Variants in CALN1 observed in about 807,000 individuals in gnomAD.
CALN1 encodes the protein calcium-binding protein 8.
Under a neutral mutation model 30.6 loss-of-function variants are expected in CALN1, and 17 were observed. That is an observed-to-expected ratio of 0.56 (90% confidence interval 0.38 to 0.83). The LOEUF (loss-of-function observed/expected upper bound fraction) is 0.83, where lower values mean the gene tolerates loss of function less well. Among genes scored for constraint, CALN1 ranks in the 40% least tolerant of loss-of-function variants. CALN1 has a pLI of 0.00. For missense variants in CALN1, 291 were observed against 354.9 expected, an observed-to-expected ratio of 0.82 and a Z score of 1.45; for synonymous variants, 156 against 131.4, an observed-to-expected ratio of 1.19 and a Z score of -1.28.
intron 3 of CALN1, among the ~76,000 whole-genome samples, chr7:72,210,099 G>C (rs190641036): frequency 1.2e-4 from 18 of 151,936 alleles, no homozygotes; most frequent in African/African-American, 4.4e-4. Context: ...TTTGTCCTAT[G>C]AAGAAGGACA....
At chr7:72,254,206 T>C (rs112683996) in intron 3 of CALN1, among the ~76,000 whole-genome samples, 5 of 152,336 alleles carry the variant, frequency 3.3e-5, no homozygotes, top group African/African-American at 7.2e-5. Flanking sequence ...TAGTGCACTA[T>C]AGAATCTTGT....
chr7:72,334,610 T>G (rs1459773678), intron 2 of CALN1, among the ~76,000 whole-genome samples: 1 of 152,150 alleles, frequency 6.6e-6, no homozygotes, highest in African/African-American at 2.4e-5. Flanking sequence ...TGAATTAAAT[T>G]ATTTTCGTTC....
the CALN1 span, among the ~76,000 whole-genome samples, chr7:72,487,589 A>G: frequency 6.6e-6 from 1 of 150,844 alleles, no homozygotes; most frequent in Non-Finnish European, 1.5e-5. Context: ...GGGAGGCTGA[A>G]GCAGAAGAAT....
intron 5 of CALN1, among the ~76,000 whole-genome samples, chr7:71,873,001 A>ATTTTTTT (rs371153112): frequency 0.015 from 1,689 of 115,484 alleles, 102 homozygotes; most frequent in African/African-American, 0.052. Flanking sequence ...GTTTGTGACA[A>ATTTTTTT]TTTTTTTTTT....
At chr7:72,026,781 G>A (rs568717667) in intron 4 of CALN1, among the ~76,000 whole-genome samples, 2 of 152,228 alleles carry the variant, frequency 1.3e-5, no homozygotes, top group African/African-American at 4.8e-5. Context: ...CAAGATATTT[G>A]CCTACAGATA....
intron 6 of CALN1, among the ~76,000 whole-genome samples, chr7:71,803,161 T>C (rs982716808): frequency 3.9e-5 from 6 of 152,136 alleles, no homozygotes; most frequent in African/African-American, 1.4e-4. Flanking sequence ...TGGGGACATA[T>C]AAAGTTCTAA....
chr7:72,124,404 C>A (rs1808599175), intron 3 of CALN1, among the ~76,000 whole-genome samples: 1 of 152,022 alleles, frequency 6.6e-6, no homozygotes, highest in Non-Finnish European at 1.5e-5. Flanking sequence ...TTCGGGAGGC[C>A]AAGGTGGGAG....
chr7:71,931,559 G>T (rs762645289), intron 5 of CALN1, among the ~76,000 whole-genome samples: 7 of 152,306 alleles, frequency 4.6e-5, no homozygotes, highest in Admixed American at 3.9e-4. Context: ...GCGCCACCGC[G>T]CCCAGCTGAA....
chr7:72,001,421 A>C (rs1799522806), intron 5 of CALN1, among the ~76,000 whole-genome samples: 1 of 152,124 alleles, frequency 6.6e-6, no homozygotes, highest in African/African-American at 2.4e-5. Flanking sequence ...CATGAGTGCA[A>C]CTCCAGTACA....
At chr7:72,182,246 A>C in intron 3 of CALN1, among the ~76,000 whole-genome samples, 1 of 152,132 alleles carries the variant, frequency 6.6e-6, no homozygotes, top group East Asian at 1.9e-4. Flanking sequence ...GTATCTGTGC[A>C]TCATTGATCA....
At chr7:71,922,510 C>A (rs1257982900) in intron 5 of CALN1, among the ~76,000 whole-genome samples, 3 of 135,992 alleles carry the variant, frequency 2.2e-5, no homozygotes, top group East Asian at 2.0e-4. Flanking sequence ...TATAAATACA[C>A]AATATATAAC....
At chr7:72,487,908 A>AAG in the CALN1 span, among the ~76,000 whole-genome samples, 18 of 80,378 alleles carry the variant, frequency 2.2e-4, no homozygotes, top group African/African-American at 1.1e-3. Flanking sequence ...GAAAGAAAGA[A>AAG]AGAAAGAAAG....
At chr7:72,342,568 A>G (rs557365014) in intron 2 of CALN1, among the ~76,000 whole-genome samples, 74 of 152,312 alleles carry the variant, frequency 4.9e-4, no homozygotes, top group Admixed American at 1.2e-3. Flanking sequence ...TGGATTTAGC[A>G]TAAGTTCTCT....
At chr7:72,311,651 A>ATTTTTTTTTTTTTTTTTTTTTT (rs56197069) in intron 2 of CALN1, among the ~76,000 whole-genome samples, 2 of 48,534 alleles carry the variant, frequency 4.1e-5, no homozygotes, top group Non-Finnish European at 3.8e-5. Context: ...CCTGGCTGAG[A>ATTTTTTTTTTTTTTTTTTTTTT]TTTTTTTTTT....
At chr7:71,831,515 G>C (rs1789273856) in intron 5 of CALN1, among the ~76,000 whole-genome samples, 1 of 151,712 alleles carries the variant, frequency 6.6e-6, no homozygotes, top group East Asian at 1.9e-4. Flanking sequence ...AATATGAATA[G>C]CAATAATATG....
intron 6 of CALN1, among the ~76,000 whole-genome samples, chr7:71,807,934 C>T (rs1787714988): frequency 6.6e-6 from 1 of 152,012 alleles, no homozygotes; most frequent in African/African-American, 2.4e-5. Flanking sequence ...ATTAGCCGGG[C>T]ATGGGGGTGG....
chr7:71,961,498 C>T (rs1797245436), intron 5 of CALN1, among the ~76,000 whole-genome samples: 1 of 152,138 alleles, frequency 6.6e-6, no homozygotes, highest in Non-Finnish European at 1.5e-5. Context: ...GCCATAAAAC[C>T]CGTAATAGAT....
chr7:72,253,736 A>G (rs553251051), intron 3 of CALN1, among the ~76,000 whole-genome samples: 2 of 152,034 alleles, frequency 1.3e-5, no homozygotes, highest in African/African-American at 2.4e-5. Context: ...ACAAAGCCAA[A>G]CCATATCCCC....
chr7:72,158,017 T>C (rs987341474), intron 3 of CALN1, among the ~76,000 whole-genome samples: 1 of 152,200 alleles, frequency 6.6e-6, no homozygotes, highest in Admixed American at 6.5e-5. Flanking sequence ...AGTGCTGTGA[T>C]TACAGGTGTG....
Sources: gnomAD v4.1 joint callset for allele counts (sites outside exome capture counted in the v4.1 genomes callset) on GRCh38, gnomAD v4.1.1 for gene constraint, MANE v1.5 for transcripts, NCBI Gene and HGNC (gene_info 2026-07-23, HGNC 2026-07-21) for gene names.